Variants in SRGAP2C observed in about 807,000 individuals in gnomAD.
The protein encoded by SRGAP2C is SLIT-ROBO Rho GTPase-activating protein 2C.
In SRGAP2C, 15 loss-of-function variants were observed where a neutral mutation model predicts 25.1. That is an observed-to-expected ratio of 0.60 (90% confidence interval 0.40 to 0.92). The LOEUF is 0.92. Ranked by LOEUF, SRGAP2C falls within the 40% of genes least tolerant of loss-of-function variation. The pLI, the probability that SRGAP2C is intolerant of heterozygous loss-of-function variation, is 0.00. For missense variants in SRGAP2C, 144 were observed against 264.4 expected, an observed-to-expected ratio of 0.54 and a Z score of 3.16; for synonymous variants, 44 against 96.6, an observed-to-expected ratio of 0.46 and a Z score of 3.19.
chr1:121,378,418 T>G (rs1218513212), intron 7 of SRGAP2C, among the ~76,000 whole-genome samples: 1 of 146,932 alleles, frequency 6.8e-6, no homozygotes, highest in African/African-American at 2.6e-5. Flanking sequence ...ACTGTTATGA[T>G]TTCTTTCACC....
chr1:121,232,632 A>C (rs1655847974), intron 2 of SRGAP2C, among the ~76,000 whole-genome samples: 1 of 150,140 alleles, frequency 6.7e-6, no homozygotes, highest in Non-Finnish European at 1.5e-5. Flanking sequence ...AGTTTTACTG[A>C]AGCAAAGGCT....
At chr1:121,372,074 A>T (rs367983413) in intron 5 of SRGAP2C, among the ~76,000 whole-genome samples, 3 of 152,024 alleles carry the variant, frequency 2.0e-5, no homozygotes, top group East Asian at 3.9e-4. Context: ...AAATATGAAG[A>T]GTATTATCCT....
At chr1:121,325,770 A>G (rs1415100953) in intron 4 of SRGAP2C, among the ~76,000 whole-genome samples, 2 of 68,252 alleles carry the variant, frequency 2.9e-5, no homozygotes, top group Non-Finnish European at 5.5e-5. Flanking sequence ...ATCTGGAATT[A>G]ATACCCCATT....
rs200334929 is a variant in SRGAP2C at position 121,266,639 on chromosome 1, G to T, written c.68-18164G>T. Among the ~76,000 whole-genome samples the T allele has an allele frequency of 1.8e-3, 240 of 134,468 alleles. 3 individuals are homozygous for T. The East Asian group carries it at 0.024, about 14-fold the overall frequency. The allele number at this position is 134,468 out of a possible 152,430, so 88.2% of individuals were successfully genotyped here. On this transcript the variant is annotated intron_variant, in intron 2 of 9. Coordinates refer to ENST00000367123, the MANE Select transcript of SRGAP2C (RefSeq NM_001329984.2). The stretch of plus-strand genomic sequence containing the variant: ...TTCACAGTCTATTGCTTGGTCAGGA[G>T]CCTTAGAAAACTTAGACATATGTGT...
intron 4 of SRGAP2C, among the ~76,000 whole-genome samples, chr1:121,350,486 G>A (rs1295405581): frequency 1.3e-5 from 2 of 151,484 alleles, no homozygotes; most frequent in African/African-American, 4.9e-5. Flanking sequence ...TAGACACACA[G>A]GAGATCCTAG....
chr1:121,265,990 T>A (rs1439561765), intron 2 of SRGAP2C, among the ~76,000 whole-genome samples: 1 of 151,942 alleles, frequency 6.6e-6, no homozygotes, highest in Admixed American at 6.6e-5. Flanking sequence ...TTGTTGTTGT[T>A]TTTGAGATGG....
At chr1:121,296,169 T>C (rs1238979564) in intron 3 of SRGAP2C, among the ~76,000 whole-genome samples, 1 of 151,250 alleles carries the variant, frequency 6.6e-6, no homozygotes, top group African/African-American at 2.4e-5. Flanking sequence ...GGAAGAGTAT[T>C]GAAGCTAAAA....
intron 4 of SRGAP2C, among the ~76,000 whole-genome samples, chr1:121,358,164 T>A (rs1570805906): frequency 3.3e-5 from 5 of 151,806 alleles, no homozygotes; most frequent in Admixed American, 3.3e-4. Context: ...TGATGGAGTT[T>A]CCACTTTTAA....
intron 3 of SRGAP2C, among the ~76,000 whole-genome samples, chr1:121,319,759 T>C (rs1407658523): frequency 8.8e-6 from 1 of 114,076 alleles, no homozygotes; most frequent in Non-Finnish European, 1.8e-5. Context: ...AGTATGATGT[T>C]TTCTTGATCT....
chr1:121,214,064 T>G (rs1378282786), intron 2 of SRGAP2C, among the ~76,000 whole-genome samples: 1 of 146,232 alleles, frequency 6.8e-6, no homozygotes. Context: ...TACAGTGGCA[T>G]GATCTTGGCT....
intron 2 of SRGAP2C, among the ~76,000 whole-genome samples, chr1:121,266,136 G>T (rs1436128355): frequency 6.6e-6 from 1 of 150,950 alleles, no homozygotes; most frequent in Non-Finnish European, 1.5e-5. Context: ...ACCACACCTG[G>T]CTAATTTTTG....
At chr1:121,289,435 C>T (rs1381646946) in intron 3 of SRGAP2C, among the ~76,000 whole-genome samples, 2 of 151,774 alleles carry the variant, frequency 1.3e-5, no homozygotes, top group African/African-American at 2.4e-5. Flanking sequence ...ACCCGGAACT[C>T]CAGCTGGCCC....
chr1:121,221,720 A>AAAC (rs1558085009), intron 2 of SRGAP2C, among the ~76,000 whole-genome samples: 1 of 115,912 alleles, frequency 8.6e-6, no homozygotes, highest in East Asian at 2.7e-4. Context: ...CAAAAAAAAA[A>AAAC]AAAAAAAAAA....
chr1:121,383,451 C>A (rs1296722762), intron 8 of SRGAP2C, among the ~76,000 whole-genome samples: 1 of 151,114 alleles, frequency 6.6e-6, no homozygotes, highest in Non-Finnish European at 1.5e-5. Context: ...ATCTTATTCT[C>A]CTGAAGTTAG....
chr1:121,355,189 C>T (rs1345078745), intron 4 of SRGAP2C, among the ~76,000 whole-genome samples: 10 of 147,776 alleles, frequency 6.8e-5, no homozygotes, highest in Non-Finnish European at 1.2e-4. Context: ...ATTTAACACA[C>T]CTGTCTCAGT....
At chr1:121,355,282 A>G (rs1311013045) in intron 4 of SRGAP2C, among the ~76,000 whole-genome samples, 3 of 140,874 alleles carry the variant, frequency 2.1e-5, no homozygotes. Flanking sequence ...ACTGCGCCTG[A>G]CAACTGCGGG....
intron 4 of SRGAP2C, among the ~76,000 whole-genome samples, chr1:121,331,193 T>G (rs1658423946): frequency 1.1e-5 from 1 of 94,978 alleles, no homozygotes; most frequent in East Asian, 3.3e-4. Context: ...ATTCTAACCT[T>G]TGGAACCTGT....
At chr1:121,268,442 C>T (rs1553334720) in intron 2 of SRGAP2C, among the ~76,000 whole-genome samples, 2 of 151,698 alleles carry the variant, frequency 1.3e-5, no homozygotes, top group East Asian at 3.9e-4. Context: ...CACTGGGAAG[C>T]CATTGAAAGA....
chr1:121,270,254 A>G (rs1553335059), intron 2 of SRGAP2C, among the ~76,000 whole-genome samples: 2 of 151,776 alleles, frequency 1.3e-5, no homozygotes, highest in African/African-American at 4.8e-5. Context: ...GTTGCTCTCT[A>G]TCAGAATTTT....
Sources: allele counts gnomAD v4.1 joint callset (sites outside exome capture counted in the v4.1 genomes callset), GRCh38; gene constraint gnomAD v4.1.1; transcripts MANE v1.5; gene names NCBI Gene and HGNC (gene_info 2026-07-23, HGNC 2026-07-21).